The following IL1RAPL2 variants were observed in gnomAD, a reference collection of about 807,000 sequenced individuals.
IL1RAPL2 encodes interleukin 1 receptor accessory protein like 2.
In IL1RAPL2, 3 loss-of-function variants were observed where a neutral mutation model predicts 44.1. The ratio of observed to expected loss-of-function variants is 0.07; its 90% CI spans 0.03 to 0.18. The LOEUF (loss-of-function observed/expected upper bound fraction) is 0.18, where lower values mean the gene tolerates loss of function less well. IL1RAPL2 is among the 10% of genes least tolerant of loss of function. IL1RAPL2 has a pLI of 1.00. For synonymous variants in IL1RAPL2, 181 were observed against 178.8 expected (o/e 1.01, Z -0.10); for missense variants, 391 against 496.4 (o/e 0.79, Z 2.02).
intron 6 of IL1RAPL2, among the ~76,000 whole-genome samples, chrX:105,491,185 A>T (rs1440284397): frequency 8.9e-6 from 1 of 111,732 alleles, no homozygotes; most frequent in Non-Finnish European, 1.9e-5. Context: ...GTCAAACTAG[A>T]ATTATTGTAT....
chrX:105,312,509 T>C (rs2034806174), intron 5 of IL1RAPL2, among the ~76,000 whole-genome samples: 1 of 111,821 alleles, frequency 8.9e-6, no homozygotes, highest in Non-Finnish European at 1.9e-5. Context: ...TTCTTTTTGT[T>C]GGGAAATCTG....
intron 5 of IL1RAPL2, among the ~76,000 whole-genome samples, chrX:105,438,610 C>A (rs752821327): frequency 9.1e-6 from 1 of 110,482 alleles, no homozygotes; most frequent in Non-Finnish European, 1.9e-5. Context: ...TTGTGGCTTT[C>A]GCTTCTGTTA....
At chrX:105,749,841 T>C (rs1454305707) in intron 9 of IL1RAPL2, among the ~76,000 whole-genome samples, 1 of 112,108 alleles carries the variant, frequency 8.9e-6, no homozygotes, top group Non-Finnish European at 1.9e-5. Flanking sequence ...TAAGAAATCA[T>C]GGCATGTAGC....
At chrX:105,763,881 C>T (rs1407700749) in intron 10 of IL1RAPL2, among the ~76,000 whole-genome samples, 3 of 110,857 alleles carry the variant, frequency 2.7e-5, no homozygotes, top group East Asian at 5.7e-4. Flanking sequence ...AAATGGAATA[C>T]GAGATTCAGG....
chrX:105,429,482 C>T (rs1406507695), intron 5 of IL1RAPL2, among the ~76,000 whole-genome samples: 1 of 111,951 alleles, frequency 8.9e-6, no homozygotes, highest in Non-Finnish European at 1.9e-5. Flanking sequence ...TGATTAAATG[C>T]AGATTCTTTG....
intron 2 of IL1RAPL2, among the ~76,000 whole-genome samples, chrX:104,694,875 G>T (rs1931151574): frequency 8.9e-6 from 1 of 112,103 alleles, no homozygotes; most frequent in Admixed American, 9.5e-5. Context: ...ACCCTGAAAT[G>T]ATTCTGCCAC....
At chrX:104,933,665 T>C (rs1924960595) in intron 2 of IL1RAPL2, among the ~76,000 whole-genome samples, 1 of 111,781 alleles carries the variant, frequency 8.9e-6, no homozygotes, top group Non-Finnish European at 1.9e-5. Context: ...GTTCTGATTA[T>C]CAATAAATCA....
At chrX:105,733,954 T>C (rs2038425843) in intron 7 of IL1RAPL2, among the ~76,000 whole-genome samples, 1 of 111,519 alleles carries the variant, frequency 9.0e-6, no homozygotes. Flanking sequence ...CTGAAGTAAA[T>C]AGGCTTTTAA....
chrX:105,648,659 T>C (rs1245382556), intron 6 of IL1RAPL2, among the ~76,000 whole-genome samples: 2 of 111,971 alleles, frequency 1.8e-5, no homozygotes, highest in Non-Finnish European at 3.8e-5. Context: ...TAGAGTTTGC[T>C]ATACTAAGGA....
rs557015261 is a variant in IL1RAPL2, at chrX:105,636,199, A to G, written c.773-81168A>G. Among the ~76,000 whole-genome samples, 8 of 111,006 alleles carry G rather than the reference A, an allele frequency of 7.2e-5. No individual in the cohort carries two copies. In the South Asian group the frequency reaches 3.0e-3, roughly 42 times the overall value. ...GGGGAAGGTTCAAATTAGAAAGAAGAAAGACATTTATTAGGTAACCCATGT... is the reference window on the plus strand; with the variant it reads ...GGGGAAGGTTCAAATTAGAAAGAAGGAAGACATTTATTAGGTAACCCATGT... On this transcript the variant is annotated intron_variant, in intron 6 of 10. Coordinates refer to ENST00000372582, the MANE Select transcript of IL1RAPL2 (RefSeq NM_017416.2).
At chrX:105,318,730 C>G (rs1228507709) in intron 5 of IL1RAPL2, among the ~76,000 whole-genome samples, 1 of 111,128 alleles carries the variant, frequency 9.0e-6, no homozygotes, top group African/African-American at 3.3e-5. Flanking sequence ...TTCTCTCTGC[C>G]TTAGAACTGT....
At chrX:105,644,544 ATTG>A (rs1250257695) in intron 6 of IL1RAPL2, among the ~76,000 whole-genome samples, 1 of 111,247 alleles carries the variant, frequency 9.0e-6, no homozygotes, top group African/African-American at 3.3e-5. Flanking sequence ...AGACCCTCAT[ATTG>A]TTCTGTCTGA....
At chrX:105,335,681 A>C (rs1033834160) in intron 5 of IL1RAPL2, among the ~76,000 whole-genome samples, 4 of 111,259 alleles carry the variant, frequency 3.6e-5, no homozygotes, top group African/African-American at 1.3e-4. Flanking sequence ...TTTCCAGTCG[A>C]CCACCTCAAA....
At chrX:105,660,688 A>G (rs2037713409) in intron 6 of IL1RAPL2, among the ~76,000 whole-genome samples, 1 of 111,861 alleles carries the variant, frequency 8.9e-6, no homozygotes. Context: ...TTGTTTATGC[A>G]ACCAGTGTTA....
At chrX:105,539,011 C>T (rs545499799) in intron 6 of IL1RAPL2, among the ~76,000 whole-genome samples, 19 of 110,860 alleles carry the variant, frequency 1.7e-4, no homozygotes, top group African/African-American at 5.9e-4. Context: ...ATAAGAACTA[C>T]AGAACACTGC....
At chrX:104,901,459 C>A (rs1369717463) in intron 2 of IL1RAPL2, among the ~76,000 whole-genome samples, 1 of 109,615 alleles carries the variant, frequency 9.1e-6, no homozygotes, top group Non-Finnish European at 1.9e-5. Flanking sequence ...GATCCGCCCG[C>A]CTCAGCCTCC....
At chrX:105,341,207 C>A (rs1380612839) in intron 5 of IL1RAPL2, among the ~76,000 whole-genome samples, 1 of 111,562 alleles carries the variant, frequency 9.0e-6, no homozygotes, top group African/African-American at 3.3e-5. Flanking sequence ...TACATACTTG[C>A]AATTGCTTAC....
At chrX:105,700,806 GA>G (rs2038113721) in intron 6 of IL1RAPL2, among the ~76,000 whole-genome samples, 1 of 111,194 alleles carries the variant, frequency 9.0e-6, no homozygotes, top group Non-Finnish European at 1.9e-5. Flanking sequence ...TGATCATGTT[GA>G]TTTGATAAGC....
chrX:104,775,830 A>G (rs1351014191), intron 2 of IL1RAPL2, among the ~76,000 whole-genome samples: 1 of 110,775 alleles, frequency 9.0e-6, no homozygotes. Flanking sequence ...CACGTTTTCC[A>G]AGACATGCCA....
Sources: gnomAD v4.1 joint callset for allele counts (sites outside exome capture counted in the v4.1 genomes callset) on GRCh38, gnomAD v4.1.1 for gene constraint, MANE v1.5 for transcripts, NCBI Gene and HGNC (gene_info 2026-07-23, HGNC 2026-07-21) for gene names.